PLA2G6: variants seen among roughly 807,000 people sequenced by gnomAD.
PLA2G6 encodes 85/88 kDa calcium-independent phospholipase A2.
A neutral mutation model predicts 83.8 loss-of-function variants in PLA2G6; 62 were observed. That is an observed-to-expected ratio of 0.74 (90% CI 0.60 to 0.91). PLA2G6 has a LOEUF of 0.91. Ranked by LOEUF, PLA2G6 falls within the 40% of genes least tolerant of loss-of-function variation. PLA2G6 has a pLI of 0.00. For synonymous variants in PLA2G6, 417 were observed against 449.8 expected (o/e 0.93, Z 0.92); for missense variants, 944 against 1,102.0 (o/e 0.86, Z 2.03).
chr22:38,169,939 T>C (rs2090371357), intron 1 of PLA2G6, among the ~76,000 whole-genome samples: 1 of 152,160 alleles, frequency 6.6e-6, no homozygotes, highest in Non-Finnish European at 1.5e-5. Flanking sequence ...GGCTCAGGCA[T>C]GTAATCCCAG....
At chr22:38,160,529 G>A (rs9610907) in intron 2 of PLA2G6, among the ~76,000 whole-genome samples, 1 of 152,184 alleles carries the variant, frequency 6.6e-6, no homozygotes, top group Non-Finnish European at 1.5e-5. Flanking sequence ...CCAACAAAAT[G>A]CTAACAAAGA....
chr22:38,144,886 A>G, intron 3 of PLA2G6: 1 of 234,148 alleles, frequency 4.3e-6, no homozygotes, highest in Non-Finnish European at 8.5e-6. Flanking sequence ...GTAAAATAAA[A>G]TGACGATACC....
chr22:38,153,207 G>A (rs2089643220), intron 2 of PLA2G6, among the ~76,000 whole-genome samples: 1 of 152,210 alleles, frequency 6.6e-6, no homozygotes, highest in African/African-American at 2.4e-5. Context: ...CGAGGTGCGT[G>A]GATCACCTGA....
In PLA2G6 at chr22:38,112,080, C is replaced by A. The variant is rs112920700; in HGVS notation, c.*81G>T. 6.1e-4 allele frequency: 916 copies of A among 1,501,892 alleles called. 3 individuals carry two copies. The African/African-American group carries it at 0.01, about 17-fold the overall frequency. The allele number at this position is 1,501,892 out of a possible 1,614,324, so 93.0% of individuals were successfully genotyped here. ...CAGAGGTGCCTGGGCCCAGATCTGC[C>A]CGGGAGGGCAGTGGCTGGGCTTGGC... On this transcript the variant is annotated 3_prime_UTR_variant, in exon 17 of 17. Transcript: ENST00000332509.
chr22:38,167,508 G>T (rs1171620592), intron 2 of PLA2G6, among the ~76,000 whole-genome samples: 1 of 150,620 alleles, frequency 6.6e-6, no homozygotes, highest in African/African-American at 2.5e-5. Flanking sequence ...TGGACCCGCT[G>T]CCCTGGTCAG....
chr22:38,135,543 C>T (rs73884603), intron 5 of PLA2G6: 2,583 of 171,088 alleles, frequency 0.015, 59 homozygotes, highest in African/African-American at 0.058. Context: ...CTATAGGAAG[C>T]AGTATGACAG....
Position 38,115,751 on chromosome 22 carries a change from C to T in PLA2G6, c.1880-70G>A, listed in dbSNP as rs1243738020. The T allele has an allele frequency of 3.9e-6, 6 of 1,531,336 alleles. No homozygotes were observed. The Admixed American group carries it at 9.9e-5, about 25-fold the overall frequency. 94.9% of individuals were successfully genotyped at this position (1,531,336 alleles called of 1,614,324 possible). A position where few individuals can be genotyped will look rare whatever the true frequency, so the allele number is the denominator to read the frequency against. ...CATAAAACCCATGCACTCCAGATCT[C>T]AGGGTGTGCGTGTTGGGGGCTGGGG... On this transcript the variant is annotated intron_variant, in intron 13 of 16. Coordinates refer to ENST00000332509, the MANE Select transcript of PLA2G6 (RefSeq NM_003560.4).
At chr22:38,145,831 A>ACACC (rs2089226213) in intron 2 of PLA2G6, 178 bp from the exon 3 acceptor site, 2 of 601,256 alleles carry the variant, frequency 3.3e-6, no homozygotes, top group East Asian at 3.0e-5. Flanking sequence ...ACACACACAC[A>ACACC]CACCCCTATA....
chr22:38,129,600 C>T (rs554347201), intron 7 of PLA2G6, 38 bp from the exon 8 acceptor site: 20 of 1,523,474 alleles, frequency 1.3e-5, no homozygotes, highest in Middle Eastern at 3.4e-4. Context: ...GTGCAACTGC[C>T]GGGGAAGTGA....
intron 14 of PLA2G6, among the ~76,000 whole-genome samples, chr22:38,114,015 AT>A (rs1021963191): frequency 1.6e-4 from 24 of 152,106 alleles, no homozygotes; most frequent in African/African-American, 5.6e-4. Context: ...TTTGCCAGGT[AT>A]TTGCATCATT....
chr22:38,122,916 G>C (rs1602095651), intron 11 of PLA2G6, among the ~76,000 whole-genome samples, 179 bp downstream of exon 11: 1 of 152,156 alleles, frequency 6.6e-6, no homozygotes, highest in East Asian at 1.9e-4. Context: ...CATGGGCCCA[G>C]CCCTTCTCCT....
At chr22:38,116,681 C>T (rs1385270979) in intron 12 of PLA2G6, among the ~76,000 whole-genome samples, 1 of 151,682 alleles carries the variant, frequency 6.6e-6, no homozygotes, top group Admixed American at 6.6e-5. Flanking sequence ...ATGGGGAAAC[C>T]CCGTCTCTAC....
intron 4 of PLA2G6, chr22:38,142,865 C>T: frequency 1.7e-6 from 1 of 576,202 alleles, no homozygotes. Flanking sequence ...GTTTATTTTG[C>T]TGGGTTGGAG....
At chr22:38,125,211 C>T (rs11570715) in intron 10 of PLA2G6, among the ~76,000 whole-genome samples, 3,739 of 152,128 alleles carry the variant, frequency 0.025, 157 homozygotes, top group African/African-American at 0.085. Flanking sequence ...TGTGCATGCA[C>T]GTGTGTTTGC....
At chr22:38,137,740 AG>A (rs2088645679) in intron 5 of PLA2G6, 1 of 152,396 alleles carries the variant, frequency 6.6e-6, no homozygotes, top group Admixed American at 6.6e-5. Context: ...AGGCTGAGGC[AG>A]GAGAATCAGT....
chr22:38,138,172 C>A (rs1322003404), intron 5 of PLA2G6: 1 of 152,430 alleles, frequency 6.6e-6, no homozygotes, highest in Non-Finnish European at 1.5e-5. Flanking sequence ...TGGCTGGAGA[C>A]AAGCAAGAGT....
At chr22:38,119,876 T>C (rs151220051) in intron 12 of PLA2G6, among the ~76,000 whole-genome samples, 2 of 151,944 alleles carry the variant, frequency 1.3e-5, no homozygotes, top group East Asian at 3.9e-4. Context: ...TTATAAATAT[T>C]ATCTACCTCA....
chr22:38,169,512 C>T, intron 1 of PLA2G6, 41 bp from the exon 2 acceptor site: 1 of 1,135,472 alleles, frequency 8.8e-7, no homozygotes, highest in Middle Eastern at 2.2e-4. Flanking sequence ...GGCACAGTCT[C>T]CCATGCCCAT....
rs746580790 is a variant in PLA2G6 at position 38,126,178 on chromosome 22, G to A, written c.1427+193C>T. 1.0e-4 allele frequency: 67 copies of A among 659,952 alleles called. No homozygotes were observed. In the East Asian group the frequency reaches 1.2e-3, roughly 12 times the overall value. 40.9% of individuals were successfully genotyped at this position (659,952 alleles called of 1,614,324 possible). A position where few individuals can be genotyped will look rare whatever the true frequency, so the allele number is the denominator to read the frequency against. On this transcript the variant is annotated intron_variant, in intron 10 of 16. Coordinates refer to ENST00000332509, the MANE Select transcript of PLA2G6 (RefSeq NM_003560.4). ...TGGGCTGGTCTCCAGAGCCTGCACC[G>A]CCCAGCATTAATGAACGAGCGACAC...
Sources: gnomAD v4.1 joint callset for allele counts (sites outside exome capture counted in the v4.1 genomes callset) on GRCh38, gnomAD v4.1.1 for gene constraint, MANE v1.5 for transcripts, NCBI Gene and HGNC (gene_info 2026-07-23, HGNC 2026-07-21) for gene names.